Variants in STAT5B observed in about 807,000 individuals in gnomAD.
STAT5B encodes the protein transcription factor STAT5B.
A neutral mutation model predicts 107.8 loss-of-function variants in STAT5B; 21 were observed. The observed-to-expected ratio is 0.19, with a 90% CI of 0.14 to 0.28. The LOEUF is 0.28. Ranked by LOEUF, STAT5B falls within the 10% of genes least tolerant of loss-of-function variation. The pLI is 1.00. For synonymous variants in STAT5B, 325 were observed against 401.7 expected (o/e 0.81, Z 2.28); for missense variants, 565 against 1,008.2 (o/e 0.56, Z 5.95).
Position 42,207,587 on chromosome 17 carries a change from TA to T in STAT5B, c.2047del (p.Tyr683ThrfsTer18). On this transcript the variant is annotated frameshift_variant, in exon 16 of 19. Coordinates refer to ENST00000293328, the MANE Select transcript of STAT5B (RefSeq NM_012448.4). LOFTEE classifies it high-confidence loss of function. ...AGCAGACTCGCAGGGAACTGGTGTG[TA>T]GTATTTGGAGTATACTTCATCTTTT... ...RPKDEVYSKY[Y>X]TPVPCESATA... The T allele has an allele frequency of 6.2e-7, 1 of 1,614,064 alleles. No individual in the cohort carries two copies. The highest frequency in any genetic ancestry group is 8.5e-7 in the Non-Finnish European group (1 of 1,180,028).
intron 2 of STAT5B, among the ~76,000 whole-genome samples, chr17:42,229,819 C>T (rs954042287): frequency 1.4e-4 from 21 of 150,604 alleles, no homozygotes; most frequent in East Asian, 3.9e-4. Context: ...TGCAGTGAGC[C>T]GAGATCACGC....
intron 2 of STAT5B, among the ~76,000 whole-genome samples, chr17:42,229,445 C>T (rs1434201188): frequency 6.6e-6 from 1 of 151,738 alleles, no homozygotes; most frequent in Non-Finnish European, 1.5e-5. Flanking sequence ...CCACCGTGCC[C>T]GGCCAGGAGC....
At chr17:42,207,520 C>G (rs997256574) in intron 16 of STAT5B, 38 bp downstream of exon 16, 53 of 1,564,772 alleles carry the variant, frequency 3.4e-5, no homozygotes, top group Non-Finnish European at 4.3e-5. Flanking sequence ...CACACACACA[C>G]ACACAACAAA....
rs1264384545 is a variant in STAT5B, at chr17:42,199,987, TG to T, written c.*1750del. On this transcript the variant is annotated 3_prime_UTR_variant, in exon 19 of 19. Transcript: ENST00000293328. ...CCCTTCCCCGATGCACCCATCCTCA[TG>T]GTTGGAATTTTCATCAAATCTTGAG... 1 of 152,498 alleles carries T rather than the reference TG, an allele frequency of 6.6e-6. No homozygotes were observed. Among genetic ancestry groups the T allele is most frequent in the African/African-American group, 2.4e-5 (1 of 41,418 alleles). 9.4% of individuals were successfully genotyped at this position (152,498 alleles called of 1,614,324 possible).
chr17:42,278,936 G>A (rs1300517050), upstream of STAT5B, among the ~76,000 whole-genome samples: 2 of 151,370 alleles, frequency 1.3e-5, no homozygotes, highest in Non-Finnish European at 2.9e-5. Flanking sequence ...CCGAGATCAC[G>A]AAACTGCACT....
Position 42,217,689 on chromosome 17 carries a change from C to CT in STAT5B, c.1170-226dup, listed in dbSNP as rs370849128. ...TCACAGAAAACAGTTCCTAAGAGAA[C>CT]TTTTTTTTTTTTTTTTGTGACGGAG... is the stretch of plus-strand genomic sequence containing the variant. On this transcript the variant is annotated intron_variant, in intron 9 of 18. Coordinates refer to ENST00000293328, the MANE Select transcript of STAT5B (RefSeq NM_012448.4). 0.12 allele frequency: 49,118 copies of CT among 416,046 alleles called. 345 individuals are homozygous for CT. Among genetic ancestry groups the CT allele is most frequent in the South Asian group, 0.16 (6,622 of 41,520 alleles). 25.8% of individuals were successfully genotyped at this position (416,046 alleles called of 1,614,324 possible).
At chr17:42,230,763 C>A (rs959941960) in intron 2 of STAT5B, among the ~76,000 whole-genome samples, 2 of 151,874 alleles carry the variant, frequency 1.3e-5, no homozygotes, top group African/African-American at 2.4e-5. Flanking sequence ...CGACTTCAAG[C>A]GATTCTCATG....
At chr17:42,261,822 A>G (rs2080599206) in intron 1 of STAT5B, among the ~76,000 whole-genome samples, 1 of 152,150 alleles carries the variant, frequency 6.6e-6, no homozygotes, top group Non-Finnish European at 1.5e-5. Context: ...AGCCTTCCAA[A>G]GTGCTGGGAT....
intron 1 of STAT5B, among the ~76,000 whole-genome samples, chr17:42,262,229 C>G (rs2080604785): frequency 6.6e-6 from 1 of 151,998 alleles, no homozygotes; most frequent in African/African-American, 2.4e-5. Context: ...GGAGCGATCA[C>G]AGCTCACTGT....
At chr17:42,213,604 T>C (rs2080146716) in intron 12 of STAT5B, among the ~76,000 whole-genome samples, 1 of 151,954 alleles carries the variant, frequency 6.6e-6, no homozygotes, top group African/African-American at 2.4e-5. Context: ...CTCAGGTCAC[T>C]ACAACCTCTG....
intron 11 of STAT5B, 129 bp from the exon 12 acceptor site, chr17:42,216,235 G>T (rs1216592854): frequency 4.0e-6 from 3 of 757,718 alleles, no homozygotes; most frequent in African/African-American, 3.5e-5. Context: ...CTCAGACACA[G>T]AATCTAAATG....
chr17:42,242,022 A>C (rs1222649512), intron 1 of STAT5B, among the ~76,000 whole-genome samples: 1 of 152,210 alleles, frequency 6.6e-6, no homozygotes, highest in African/African-American at 2.4e-5. Context: ...AAACAAGGAA[A>C]AATGTGCCCA....
rs531364071 is a variant in STAT5B, at chr17:42,237,350, T to G, written c.-10-5213A>C. On this transcript the variant is annotated intron_variant, in intron 1 of 18. Coordinates refer to ENST00000293328, the MANE Select transcript of STAT5B (RefSeq NM_012448.4). ...AATAAATGATATAAGTGAGTGGGAT[T>G]TGGAATAATTTTGTCTCAGTCATAA... Among the ~76,000 whole-genome samples the G allele has an allele frequency of 2.7e-3, 404 of 152,330 alleles. 1 individual carries two copies. The highest frequency in any genetic ancestry group is 4.8e-3 in the Non-Finnish European group (325 of 68,030).
At chr17:42,202,577 C>G in intron 17 of STAT5B, 130 bp from the exon 18 acceptor site, 1 of 1,437,904 alleles carries the variant, frequency 7.0e-7, no homozygotes, top group Non-Finnish European at 9.8e-7. Flanking sequence ...GGCCCTGGGG[C>G]TCCAGCTACA....
chr17:42,219,904 A>AAG, intron 5 of STAT5B, 62 bp from the exon 6 acceptor site: 1 of 1,612,442 alleles, frequency 6.2e-7, no homozygotes, highest in Non-Finnish European at 8.5e-7. Context: ...AGGCCCAGAG[A>AAG]AGCCCACTCA....
intron 1 of STAT5B, among the ~76,000 whole-genome samples, chr17:42,239,923 C>T (rs2080388632): frequency 1.3e-5 from 2 of 152,206 alleles, no homozygotes; most frequent in South Asian, 4.1e-4. Context: ...GTCAGGAGCT[C>T]GAGACCAGCC....
the STAT5B span, among the ~76,000 whole-genome samples, chr17:42,283,409 G>T: frequency 6.6e-6 from 1 of 152,198 alleles, no homozygotes; most frequent in Admixed American, 6.5e-5. Flanking sequence ...ACCTGGCACA[G>T]ACTCTGCATC....
intron 12 of STAT5B, among the ~76,000 whole-genome samples, chr17:42,213,085 A>AC (rs1366474992): frequency 2.0e-5 from 3 of 151,934 alleles, no homozygotes; most frequent in Admixed American, 2.0e-4. Flanking sequence ...ATTTCACCAG[A>AC]CCCCCATAGA....
At chr17:42,274,237 A>T (rs1057141712) in intron 1 of STAT5B, among the ~76,000 whole-genome samples, 32 of 147,094 alleles carry the variant, frequency 2.2e-4, no homozygotes, top group Non-Finnish European at 1.5e-5. Context: ...TAACCAAACT[A>T]CTGGTGATAG....
Sources: gnomAD v4.1 joint callset for allele counts (sites outside exome capture counted in the v4.1 genomes callset) on GRCh38, gnomAD v4.1.1 for gene constraint, MANE v1.5 for transcripts, NCBI Gene and HGNC (gene_info 2026-07-23, HGNC 2026-07-21) for gene names.